Variants in GFRA1 observed in about 807,000 individuals in gnomAD.
The protein encoded by GFRA1 is GDNF family receptor alpha-1.
A neutral mutation model predicts 51.6 loss-of-function variants in GFRA1; 16 were observed. The ratio of observed to expected loss-of-function variants is 0.31; its 90% confidence interval spans 0.21 to 0.47. GFRA1 has a LOEUF of 0.47. Ranked by LOEUF, GFRA1 falls within the 20% of genes least tolerant of loss-of-function variation. The probability of loss-of-function intolerance (pLI) is 1.00; values close to 1 mark genes in which losing one functional copy is unlikely to be tolerated. For missense variants in GFRA1, 530 were observed against 594.3 expected (o/e 0.89, Z 1.13); for synonymous variants, 270 against 241.3 (o/e 1.12, Z -1.10).
chr10:116,147,733 T>C (rs921259660), intron 5 of GFRA1, among the ~76,000 whole-genome samples: 2 of 151,866 alleles, frequency 1.3e-5, no homozygotes, highest in African/African-American at 2.4e-5. Flanking sequence ...AGAACGGAGG[T>C]GAAAGCTCCT....
At chr10:116,224,186 A>G (rs906119085) in intron 4 of GFRA1, among the ~76,000 whole-genome samples, 1 of 152,234 alleles carries the variant, frequency 6.6e-6, no homozygotes, top group South Asian at 2.1e-4. Context: ...ACTCAAAAAG[A>G]TAATGACAAG....
chr10:116,157,616 G>A (rs979392439), intron 5 of GFRA1, among the ~76,000 whole-genome samples: 44 of 152,112 alleles, frequency 2.9e-4, no homozygotes, highest in African/African-American at 1.1e-3. Context: ...AGCATCTCCT[G>A]CCTATCCTCA....
intron 5 of GFRA1, among the ~76,000 whole-genome samples, chr10:116,207,941 A>G (rs953990494): frequency 6.6e-6 from 1 of 151,992 alleles, no homozygotes; most frequent in Non-Finnish European, 1.5e-5. Context: ...CCTGATCTGC[A>G]CTTCTCATGT....
intron 5 of GFRA1, among the ~76,000 whole-genome samples, chr10:116,125,931 T>A (rs1289919813): frequency 6.6e-6 from 1 of 152,256 alleles, no homozygotes; most frequent in Non-Finnish European, 1.5e-5. Flanking sequence ...TACTTGTTCA[T>A]GATATGCTGA....
At chr10:116,196,577 A>T (rs866726615) in intron 5 of GFRA1, among the ~76,000 whole-genome samples, 648 of 49,536 alleles carry the variant, frequency 0.013, 37 homozygotes, top group African/African-American at 0.028. Context: ...TAATATATAT[A>T]ATATATAGTA....
At chr10:116,080,444 A>AT (rs1357405093) in intron 9 of GFRA1, among the ~76,000 whole-genome samples, 1 of 152,218 alleles carries the variant, frequency 6.6e-6, no homozygotes, top group Non-Finnish European at 1.5e-5. Context: ...ACAAATCACC[A>AT]TTAAAGTACT....
chr10:116,141,482 CT>C (rs1468819423), intron 5 of GFRA1, among the ~76,000 whole-genome samples: 1 of 152,076 alleles, frequency 6.6e-6, no homozygotes, highest in Non-Finnish European at 1.5e-5. Context: ...TATGCTCTGC[CT>C]CCTGGCAATG....
Position 116,189,773 on chromosome 10 carries a change from C to CT in GFRA1, c.433+21857dup, listed in dbSNP as rs1389891732. 5.9e-5 allele frequency among the ~76,000 whole-genome samples: 9 copies of CT among 152,204 alleles called. No homozygotes were observed. In the South Asian group the frequency reaches 1.0e-3, roughly 18 times the overall value. Reference sequence around the variant, plus strand: ...ATTTCCAGTGTTATCCAGTAAAATGCTTTTTTTCTTAGCCAAAGACAGAAT... The same window carrying CT: ...ATTTCCAGTGTTATCCAGTAAAATGCTTTTTTTTCTTAGCCAAAGACAGAAT... On this transcript the variant is annotated intron_variant, in intron 5 of 10. Transcript: ENST00000355422.
Position 116,270,604 on chromosome 10 carries a change from C to A in GFRA1, c.334+218G>T, listed in dbSNP as rs749215783. The stretch of plus-strand genomic sequence containing the variant: ...GGGGTCCCGGGGGTGGCCCTCCCCC[C>A]AGCCCCCGTCCTCCTCATGGGTTTT... On this transcript the variant is annotated intron_variant, in intron 3 of 10. Transcript: ENST00000355422. 6.6e-5 allele frequency among the ~76,000 whole-genome samples: 10 copies of A among 152,318 alleles called. No individual in the cohort carries two copies. The East Asian group carries it at 1.7e-3, about 27-fold the overall frequency.
At chr10:116,175,185 T>C (rs1033232965) in intron 5 of GFRA1, among the ~76,000 whole-genome samples, 9 of 152,076 alleles carry the variant, frequency 5.9e-5, no homozygotes, top group Non-Finnish European at 8.8e-5. Context: ...GGGAAGCAAA[T>C]AAAATACCAA....
chr10:116,206,798 A>C, intron 5 of GFRA1, among the ~76,000 whole-genome samples: 1 of 150,762 alleles, frequency 6.6e-6, no homozygotes. Context: ...ACGCCTGGCT[A>C]ATTTTTTGTA....
At chr10:116,117,841 C>A (rs1957490896) in intron 6 of GFRA1, among the ~76,000 whole-genome samples, 1 of 152,114 alleles carries the variant, frequency 6.6e-6, no homozygotes, top group Non-Finnish European at 1.5e-5. Flanking sequence ...CCTCTGAGTT[C>A]TCCTCTGTTC....
At chr10:116,224,222 G>A (rs994632238) in intron 4 of GFRA1, among the ~76,000 whole-genome samples, 1 of 152,210 alleles carries the variant, frequency 6.6e-6, no homozygotes, top group Non-Finnish European at 1.5e-5. Flanking sequence ...AGAGAAACTG[G>A]AAGCACATAC....
chr10:116,084,528 A>G (rs994864285), intron 9 of GFRA1, among the ~76,000 whole-genome samples: 4 of 152,158 alleles, frequency 2.6e-5, no homozygotes, highest in African/African-American at 9.7e-5. Flanking sequence ...TCTGTCACGC[A>G]TTTCCAGGGG....
At position 116,059,010 on chromosome 10, in the gene GFRA1, G is replaced by C. The variant is rs1954679470; in HGVS notation, c.*5388C>G. 1 of 152,198 alleles carries C rather than the reference G, an allele frequency of 6.6e-6. No homozygotes were observed. The highest frequency in any genetic ancestry group is 6.5e-5 in the Admixed American group (1 of 15,284). 9.4% of individuals were successfully genotyped at this position (152,198 alleles called of 1,614,324 possible). ...GATGCTAGTTTCTCGCCTCTCAGCAGGAAATGCCACGGGCAGATTTAAAGT... is the reference window on the plus strand; with the variant it reads ...GATGCTAGTTTCTCGCCTCTCAGCACGAAATGCCACGGGCAGATTTAAAGT... On this transcript the variant is annotated 3_prime_UTR_variant, in exon 11 of 11. Coordinates refer to ENST00000355422, the MANE Select transcript of GFRA1 (RefSeq NM_005264.8).
chr10:116,126,214 G>A (rs965922848), intron 5 of GFRA1, among the ~76,000 whole-genome samples: 5 of 152,198 alleles, frequency 3.3e-5, no homozygotes, highest in African/African-American at 1.2e-4. Flanking sequence ...CAGACAACAC[G>A]TGGGCTCTAT....
At chr10:116,198,967 C>G (rs1964114880) in intron 5 of GFRA1, among the ~76,000 whole-genome samples, 1 of 152,142 alleles carries the variant, frequency 6.6e-6, no homozygotes, top group South Asian at 2.1e-4. Flanking sequence ...CAGAGACATA[C>G]AGAGACAAAG....
chr10:116,217,159 A>G (rs1439810812), intron 4 of GFRA1, among the ~76,000 whole-genome samples: 2 of 152,188 alleles, frequency 1.3e-5, no homozygotes, highest in Non-Finnish European at 2.9e-5. Flanking sequence ...GGCTCTCCAA[A>G]GGTGACAGGA....
intron 5 of GFRA1, among the ~76,000 whole-genome samples, chr10:116,200,831 A>C (rs117856641): frequency 3.3e-5 from 5 of 152,318 alleles, no homozygotes; most frequent in Non-Finnish European, 5.9e-5. Flanking sequence ...TTAACATATG[A>C]CTTTGGGGGA....
Sources: gnomAD v4.1 joint callset for allele counts (sites outside exome capture counted in the v4.1 genomes callset) on GRCh38, gnomAD v4.1.1 for gene constraint, MANE v1.5 for transcripts, NCBI Gene and HGNC (gene_info 2026-07-23, HGNC 2026-07-21) for gene names.